Variants in CFAP107 observed in about 807,000 individuals in gnomAD.
The protein encoded by CFAP107 is cilia- and flagella-associated protein 107.
chr1:12,763,651 AT>A, the CFAP107 span: 2 of 152,244 alleles, frequency 1.3e-5, no homozygotes, highest in Non-Finnish European at 2.9e-5. Flanking sequence ...ACACATGTTT[AT>A]TTGACAGTTC....
chr1:12,760,640 C>G, the CFAP107 span: 1 of 899,528 alleles, frequency 1.1e-6, no homozygotes, highest in Non-Finnish European at 1.7e-6. Context: ...CCTCTGCCAG[C>G]CTTGGTCCCT....
the CFAP107 span, chr1:12,759,596 C>T: frequency 1.6e-5 from 21 of 1,274,670 alleles, no homozygotes; most frequent in Non-Finnish European, 2.4e-5. Context: ...ACCCTGGCTC[C>T]AGGAGAGCAG....
At chr1:12,751,240 A>G in the CFAP107 span, among the ~76,000 whole-genome samples, 2 of 152,328 alleles carry the variant, frequency 1.3e-5, no homozygotes, top group South Asian at 2.1e-4. Context: ...AAAAGAACAA[A>G]CTAAATGCAA....
chr1:12,751,042 T>C, the CFAP107 span, among the ~76,000 whole-genome samples: 1 of 151,446 alleles, frequency 6.6e-6, no homozygotes, highest in African/African-American at 2.4e-5. Flanking sequence ...CAACACTGTT[T>C]TAAAAAAAAT....
chr1:12,746,340 C>G, the CFAP107 span: 2 of 1,006,888 alleles, frequency 2.0e-6, no homozygotes, highest in Non-Finnish European at 3.0e-6. Context: ...AAAATAGGCA[C>G]CCCAAACTCA....
the CFAP107 span, among the ~76,000 whole-genome samples, chr1:12,757,060 T>G: frequency 6.6e-6 from 1 of 152,130 alleles, no homozygotes; most frequent in Non-Finnish European, 1.5e-5. Flanking sequence ...TCACCAGCAG[T>G]GCGCATTAAA....
chr1:12,755,850 ACCC>A, the CFAP107 span: 50 of 1,437,202 alleles, frequency 3.5e-5, no homozygotes, highest in Non-Finnish European at 4.9e-5. Flanking sequence ...TCAGGCCTGG[ACCC>A]CACCCAAAGC....
chr1:12,763,141 G>C, the CFAP107 span: 1 of 152,006 alleles, frequency 6.6e-6, no homozygotes, highest in Non-Finnish European at 1.5e-5. Context: ...AGACCAGATG[G>C]TACCACTGCA....
At chr1:12,763,350 G>A in the CFAP107 span, 1 of 152,250 alleles carries the variant, frequency 6.6e-6, no homozygotes, top group African/African-American at 2.4e-5. Context: ...GAAAGTAAAG[G>A]ATGTCATGAG....
chr1:12,756,568 C>T, the CFAP107 span, among the ~76,000 whole-genome samples: 6 of 152,298 alleles, frequency 3.9e-5, no homozygotes, highest in African/African-American at 1.4e-4. Flanking sequence ...GCTCTGTCCC[C>T]ACCACACTCT....
the CFAP107 span, chr1:12,746,361 A>G: frequency 1.5e-6 from 2 of 1,330,032 alleles, no homozygotes; most frequent in Non-Finnish European, 2.1e-6. Context: ...GCAACTTCAT[A>G]ACACCTTCCT....
At chr1:12,746,691 G>A in the CFAP107 span, 1 of 611,188 alleles carries the variant, frequency 1.6e-6, no homozygotes, top group African/African-American at 1.8e-5. Flanking sequence ...ACAAAGGATA[G>A]TTACATTCAA....
At chr1:12,757,922 T>G in the CFAP107 span, among the ~76,000 whole-genome samples, 1 of 152,062 alleles carries the variant, frequency 6.6e-6, no homozygotes, top group African/African-American at 2.4e-5. Context: ...TATCTAATTC[T>G]CACATACCAA....
At chr1:12,763,075 A>G in the CFAP107 span, 1 of 152,062 alleles carries the variant, frequency 6.6e-6, no homozygotes, top group Admixed American at 6.6e-5. Context: ...AATCCCAGCT[A>G]CTCCAGAGGC....
the CFAP107 span, among the ~76,000 whole-genome samples, chr1:12,758,063 A>G: frequency 7.2e-5 from 11 of 152,124 alleles, no homozygotes; most frequent in South Asian, 2.1e-4. Context: ...GCCTCGCCCA[A>G]TGGTTCCCAT....
At chr1:12,761,628 C>T in the CFAP107 span, 1 of 151,952 alleles carries the variant, frequency 6.6e-6, no homozygotes, top group East Asian at 1.9e-4. Flanking sequence ...CCTCTGCCTC[C>T]AGGGTTCAAG....
chr1:12,747,347 G>A, the CFAP107 span, among the ~76,000 whole-genome samples: 3 of 152,144 alleles, frequency 2.0e-5, no homozygotes, highest in Non-Finnish European at 4.4e-5. Flanking sequence ...GGGGTTACAG[G>A]CATGAGCCAC....
the CFAP107 span, among the ~76,000 whole-genome samples, chr1:12,756,137 G>C: frequency 6.6e-6 from 1 of 152,206 alleles, no homozygotes; most frequent in South Asian, 2.1e-4. Context: ...ATCACATAAG[G>C]CACTGCAAAA....
At chr1:12,759,184 G>A in the CFAP107 span, 1 of 1,068,262 alleles carries the variant, frequency 9.4e-7, no homozygotes, top group Non-Finnish European at 1.4e-6. Context: ...CCCTTTGCCA[G>A]CCCACGGATG....
Sources: gnomAD v4.1 joint callset for allele counts (sites outside exome capture counted in the v4.1 genomes callset) on GRCh38, gnomAD v4.1.1 for gene constraint, MANE v1.5 for transcripts, NCBI Gene and HGNC (gene_info 2026-07-23, HGNC 2026-07-21) for gene names.